LINGO2: variants seen among roughly 807,000 people sequenced by gnomAD.
LINGO2 encodes the protein leucine-rich repeat and immunoglobulin-like domain-containing nogo receptor-interacting protein 2.
A neutral mutation model predicts 30.6 loss-of-function variants in LINGO2; 14 were observed. That is an observed-to-expected ratio of 0.46 (90% CI 0.30 to 0.72). The LOEUF (loss-of-function observed/expected upper bound fraction) is 0.72, where lower values mean the gene tolerates loss of function less well. LINGO2 is among the 30% of genes least tolerant of loss of function. LINGO2 has a pLI of 0.07. For synonymous variants in LINGO2, 317 were observed against 288.5 expected (o/e 1.10, Z -1.00); for missense variants, 729 against 751.7 (o/e 0.97, Z 0.35).
intron 4 of LINGO2, among the ~76,000 whole-genome samples, chr9:28,292,281 C>G (rs1823757997): frequency 6.6e-6 from 1 of 152,118 alleles, no homozygotes; most frequent in South Asian, 2.1e-4. Flanking sequence ...GCCTCACTTT[C>G]TCATCTCTAA....
In LINGO2 at chr9:28,450,882, T is replaced by C. The variant is rs891983933; in HGVS notation, c.-279+25058A>G. 3.9e-5 allele frequency among the ~76,000 whole-genome samples: 6 copies of C among 152,014 alleles called. No individual in the cohort carries two copies. In the East Asian group the frequency reaches 1.2e-3, roughly 29 times the overall value. ...AGTTAAACCACATAAAAATGAATGATTAATAGTTGTATTTAAATGGCCCAC... is the reference window on the plus strand; with the variant it reads ...AGTTAAACCACATAAAAATGAATGACTAATAGTTGTATTTAAATGGCCCAC... On this transcript the variant is annotated intron_variant, in intron 2 of 5. Coordinates refer to ENST00000379992, the Ensembl canonical transcript of LINGO2.
chr9:28,677,446 G>A, the LINGO2 span, among the ~76,000 whole-genome samples: 4 of 152,104 alleles, frequency 2.6e-5, no homozygotes, highest in Non-Finnish European at 4.4e-5. Flanking sequence ...GAGCATCTAA[G>A]ACAAAGCAAG....
the LINGO2 span, among the ~76,000 whole-genome samples, chr9:28,899,838 C>G: frequency 6.6e-6 from 1 of 152,200 alleles, no homozygotes; most frequent in Admixed American, 6.5e-5. Flanking sequence ...CCCCATCGTC[C>G]AAGGCCACCC....
intron 5 of LINGO2, among the ~76,000 whole-genome samples, chr9:27,987,089 T>TC (rs1157412240): frequency 2.4e-5 from 3 of 127,440 alleles, no homozygotes; most frequent in African/African-American, 8.9e-5. Flanking sequence ...TACATGTCAG[T>TC]CAACTACTCA....
chr9:28,712,048 G>A, the LINGO2 span, among the ~76,000 whole-genome samples: 1 of 151,940 alleles, frequency 6.6e-6, no homozygotes, highest in Non-Finnish European at 1.5e-5. Context: ...AGCAAGTCCA[G>A]CAATTATATA....
chr9:28,790,474 G>A, the LINGO2 span, among the ~76,000 whole-genome samples: 19 of 150,460 alleles, frequency 1.3e-4, no homozygotes, highest in African/African-American at 4.2e-4. Context: ...GACTACAGGC[G>A]CCCGCCACCA....
At chr9:28,169,240 T>C (rs965699756) in intron 4 of LINGO2, among the ~76,000 whole-genome samples, 7 of 152,206 alleles carry the variant, frequency 4.6e-5, no homozygotes, top group Non-Finnish European at 1.0e-4. Context: ...CAAAAACACA[T>C]GATCAAACTC....
At chr9:29,173,317 T>G in the LINGO2 span, among the ~76,000 whole-genome samples, 21 of 152,238 alleles carry the variant, frequency 1.4e-4, no homozygotes, top group African/African-American at 4.8e-4. Flanking sequence ...CAACCCTGTA[T>G]GCTTCATTTC....
At chr9:28,201,553 CTT>C (rs1057271542) in intron 4 of LINGO2, among the ~76,000 whole-genome samples, 1 of 150,888 alleles carries the variant, frequency 6.6e-6, no homozygotes, top group Non-Finnish European at 1.5e-5. Flanking sequence ...GTGCATGTGT[CTT>C]TATAGCAGCA....
the LINGO2 span, among the ~76,000 whole-genome samples, chr9:28,933,370 G>A: frequency 6.6e-6 from 1 of 152,274 alleles, no homozygotes; most frequent in South Asian, 2.1e-4. Flanking sequence ...TTAACCCTGA[G>A]TTTCTAGCCT....
At chr9:28,171,096 T>C (rs1828568755) in intron 4 of LINGO2, among the ~76,000 whole-genome samples, 1 of 152,214 alleles carries the variant, frequency 6.6e-6, no homozygotes, top group African/African-American at 2.4e-5. Context: ...TCCAAAAATT[T>C]AGTATTTGGT....
intron 2 of LINGO2, among the ~76,000 whole-genome samples, chr9:28,383,537 T>C (rs1266612841): frequency 1.3e-5 from 2 of 151,896 alleles, no homozygotes; most frequent in African/African-American, 4.8e-5. Flanking sequence ...GATCTCTATC[T>C]GGAAAGGAAG....
intron 4 of LINGO2, among the ~76,000 whole-genome samples, chr9:28,278,721 T>A (rs1378573124): frequency 6.6e-6 from 1 of 152,200 alleles, no homozygotes; most frequent in African/African-American, 2.4e-5. Flanking sequence ...TGATAGAGAT[T>A]TACAAGAATA....
chr9:28,986,173 C>T, the LINGO2 span, among the ~76,000 whole-genome samples: 2 of 151,574 alleles, frequency 1.3e-5, no homozygotes, highest in Middle Eastern at 3.2e-3. Flanking sequence ...CTGTATATGC[C>T]TTGGTTCATT....
rs894760892 is a variant in LINGO2 at position 28,052,911 on chromosome 9, G to A, written c.-86-40506C>T. Among the ~76,000 whole-genome samples, 3 of 152,064 alleles carry A rather than the reference G, an allele frequency of 2.0e-5. No individual in the cohort carries two copies. In the South Asian group the frequency reaches 6.2e-4, roughly 31 times the overall value. ...AATTGCTACTGTACTCCACATCTATGTGTACAAGTAAAAATCTGTATTCAA... is the reference window on the plus strand; with the variant it reads ...AATTGCTACTGTACTCCACATCTATATGTACAAGTAAAAATCTGTATTCAA... On this transcript the variant is annotated intron_variant, in intron 4 of 5. Coordinates refer to ENST00000379992, the Ensembl canonical transcript of LINGO2.
chr9:28,972,067 T>C, the LINGO2 span, among the ~76,000 whole-genome samples: 11 of 152,234 alleles, frequency 7.2e-5, no homozygotes, highest in African/African-American at 2.7e-4. Context: ...TTTATGAGTC[T>C]GCAAGAACCA....
the LINGO2 span, among the ~76,000 whole-genome samples, chr9:28,812,172 T>C: frequency 1.9e-3 from 289 of 152,002 alleles, 1 homozygote; most frequent in African/African-American, 6.9e-3. Flanking sequence ...AAAAGTAAAA[T>C]GGAAGCAGGA....
At chr9:28,859,085 T>C in the LINGO2 span, among the ~76,000 whole-genome samples, 3 of 152,078 alleles carry the variant, frequency 2.0e-5, no homozygotes, top group Non-Finnish European at 4.4e-5. Flanking sequence ...ACAAGTAAAG[T>C]ACTTGGAAAT....
intron 1 of LINGO2, among the ~76,000 whole-genome samples, chr9:28,553,163 G>A (rs1344278310): frequency 1.3e-5 from 2 of 152,094 alleles, no homozygotes; most frequent in Non-Finnish European, 2.9e-5. Flanking sequence ...ACTTTGACAA[G>A]CTGAGAGAAG....
Sources: gnomAD v4.1 joint callset for allele counts (sites outside exome capture counted in the v4.1 genomes callset) on GRCh38, gnomAD v4.1.1 for gene constraint, MANE v1.5 for transcripts, NCBI Gene and HGNC (gene_info 2026-07-23, HGNC 2026-07-21) for gene names.